Variants in TTC13 observed in about 807,000 individuals in gnomAD.
TTC13 encodes tetratricopeptide repeat protein 13.
A neutral mutation model predicts 120.0 loss-of-function variants in TTC13; 62 were observed. That is an observed-to-expected ratio of 0.52 (90% confidence interval 0.42 to 0.64). The LOEUF (loss-of-function observed/expected upper bound fraction) is 0.64, where lower values mean the gene tolerates loss of function less well. Ranked by LOEUF, TTC13 falls within the 30% of genes least tolerant of loss-of-function variation. The pLI, the probability that TTC13 is intolerant of heterozygous loss-of-function variation, is 0.00. For synonymous variants in TTC13, 384 were observed against 393.5 expected, an observed-to-expected ratio of 0.98 and a Z score of 0.28; for missense variants, 824 against 1,050.2, an observed-to-expected ratio of 0.78 and a Z score of 2.98.
At chr1:230,913,262 G>A (rs1390002022) in intron 18 of TTC13, among the ~76,000 whole-genome samples, 1 of 152,162 alleles carries the variant, frequency 6.6e-6, no homozygotes, top group Non-Finnish European at 1.5e-5. Context: ...GGCATTTTTT[G>A]TATAACGCCA....
In TTC13 at chr1:230,940,366, A is replaced by G. The variant is rs1674428097; in HGVS notation, c.789+74T>C. ...CAGTCAAAGCCCAAATCTATCAAAG[A>G]GTCACTTTCTGAGGTCAAGGGAAAA... On this transcript the variant is annotated intron_variant, in intron 7 of 22. Transcript: ENST00000366661. The surrounding 1 kb of genome is among the most constrained non-coding windows in gnomAD (Gnocchi z 4.1). 1 of 939,806 alleles carries G rather than the reference A, an allele frequency of 1.1e-6. No homozygotes were observed. Among genetic ancestry groups the G allele is most frequent in the Non-Finnish European group, 1.7e-6 (1 of 591,022 alleles). The allele number at this position is 939,806 out of a possible 1,614,324, so 58.2% of individuals were successfully genotyped here. A position where few individuals can be genotyped will look rare whatever the true frequency, so the allele number is the denominator to read the frequency against.
At chr1:230,962,793 A>G (rs1676764779) in intron 1 of TTC13, among the ~76,000 whole-genome samples, 1 of 152,242 alleles carries the variant, frequency 6.6e-6, no homozygotes, top group Non-Finnish European at 1.5e-5. Flanking sequence ...GCAACGTGGA[A>G]GAACTTCCAA....
chr1:230,965,729 T>C (rs1391245002), intron 1 of TTC13, among the ~76,000 whole-genome samples: 1 of 152,232 alleles, frequency 6.6e-6, no homozygotes, highest in Non-Finnish European at 1.5e-5. Context: ...TAGAGTGCAG[T>C]GGCACGATCT....
At chr1:230,974,071 C>CAAA (rs1678022434) in intron 1 of TTC13, among the ~76,000 whole-genome samples, 3 of 140,902 alleles carry the variant, frequency 2.1e-5, no homozygotes, top group South Asian at 4.6e-4. Context: ...GGCGATACTC[C>CAAA]ATCTCAAAAA....
chr1:230,940,320 T>G lies in TTC13; in HGVS notation c.789+120A>C. ...ACAGAAAATGCTTTTATAACTCTTATGACACAGACATATTACTAAACAGTC... is the reference window on the plus strand; with the variant it reads ...ACAGAAAATGCTTTTATAACTCTTAGGACACAGACATATTACTAAACAGTC... On this transcript the variant is annotated intron_variant, in intron 7 of 22. Coordinates refer to ENST00000366661, the MANE Select transcript of TTC13 (RefSeq NM_024525.5). The surrounding 1 kb of genome is among the most constrained non-coding windows in gnomAD (Gnocchi z 4.1). 3.4e-6 allele frequency: 2 copies of G among 585,880 alleles called. No homozygotes were observed. The highest frequency in any genetic ancestry group is 5.9e-6 in the Non-Finnish European group (2 of 336,368). The allele number at this position is 585,880 out of a possible 1,614,324, so 36.3% of individuals were successfully genotyped here.
chr1:230,911,260 G>GT (rs1671471072), intron 20 of TTC13: 2 of 366,992 alleles, frequency 5.4e-6, no homozygotes, highest in Non-Finnish European at 9.8e-6. Context: ...CCTATTAAAC[G>GT]TAAGCACACT....
rs191578228 is a variant in TTC13, at chr1:230,959,305, C to T, written c.367-1006G>A. ...TTTACTAAGCAACCTCAAGAGTACACTGAAGAATATATCTGATTTTAAGTT... is the reference window on the plus strand; with the variant it reads ...TTTACTAAGCAACCTCAAGAGTACATTGAAGAATATATCTGATTTTAAGTT... On this transcript the variant is annotated intron_variant, in intron 2 of 22. Transcript: ENST00000366661. Among the ~76,000 whole-genome samples the T allele has an allele frequency of 1.5e-4, 23 of 151,864 alleles. No homozygotes were observed. In the East Asian group the frequency reaches 2.1e-3, roughly 14 times the overall value.
At chr1:230,968,554 G>A (rs1042695472) in intron 1 of TTC13, among the ~76,000 whole-genome samples, 3 of 152,170 alleles carry the variant, frequency 2.0e-5, no homozygotes, top group Non-Finnish European at 4.4e-5. Flanking sequence ...TCTAAGGAGA[G>A]AAGGGGCAAG....
intron 4 of TTC13, among the ~76,000 whole-genome samples, chr1:230,952,584 C>T (rs534057703): frequency 7.7e-4 from 118 of 152,278 alleles, no homozygotes; most frequent in African/African-American, 2.6e-3. Flanking sequence ...TACGATATCA[C>T]ATTTCAATAC....
At chr1:230,909,364 C>T (rs1671259327) in intron 20 of TTC13, among the ~76,000 whole-genome samples, 1 of 152,158 alleles carries the variant, frequency 6.6e-6, no homozygotes, top group Non-Finnish European at 1.5e-5. Context: ...GGCATGGTGG[C>T]TCACACCTGT....
intron 11 of TTC13, among the ~76,000 whole-genome samples, chr1:230,929,515 C>T (rs930625732): frequency 7.2e-5 from 11 of 152,072 alleles, no homozygotes; most frequent in African/African-American, 1.7e-4. Flanking sequence ...AGGGTTTCAC[C>T]GTGTTAGCCA....
At chr1:230,956,982 T>C (rs1479305775) in intron 3 of TTC13, among the ~76,000 whole-genome samples, 2 of 152,158 alleles carry the variant, frequency 1.3e-5, no homozygotes, top group Non-Finnish European at 2.9e-5. Context: ...GCTCAGGGCC[T>C]ACACTACCCC....
chr1:230,940,963 A>T lies in TTC13; in HGVS notation c.673-407T>A, dbSNP rs565869420. 6.6e-5 allele frequency among the ~76,000 whole-genome samples: 10 copies of T among 152,368 alleles called. No individual in the cohort carries two copies. In the South Asian group the frequency reaches 1.7e-3, roughly 25 times the overall value. ...ATAGACAAATTATCGGACACAGATT[A>T]GAGTCTTCCATGGTCTTTAGCTCTG... On this transcript the variant is annotated intron_variant, in intron 6 of 22. Transcript: ENST00000366661. This position sits in a 1 kb window ranked among gnomAD's most constrained non-coding sequence, Gnocchi z 4.1.
At chr1:230,963,595 AC>A (rs1676845060) in intron 1 of TTC13, among the ~76,000 whole-genome samples, 1 of 151,894 alleles carries the variant, frequency 6.6e-6, no homozygotes, top group Non-Finnish European at 1.5e-5. Context: ...TGATCATACC[AC>A]TGCACTCCAG....
intron 2 of TTC13, among the ~76,000 whole-genome samples, chr1:230,960,419 A>T (rs1454400746): frequency 6.6e-6 from 1 of 152,210 alleles, no homozygotes; most frequent in Non-Finnish European, 1.5e-5. Context: ...TTTACAAGAC[A>T]GCCCCTTCTG....
chr1:230,974,670 T>C (rs946388686), intron 1 of TTC13, among the ~76,000 whole-genome samples: 5 of 152,170 alleles, frequency 3.3e-5, no homozygotes, highest in African/African-American at 1.2e-4. Context: ...TGTTAAATGG[T>C]ATGTAACTGT....
rs2102889457 is a variant in TTC13, at chr1:230,943,795, G to A, written c.672+11C>T. On this transcript the variant is annotated intron_variant, in intron 6 of 22. Coordinates refer to ENST00000366661, the MANE Select transcript of TTC13 (RefSeq NM_024525.5). ...CAATAATGACAGAGGGAAAAAGAAA[G>A]CCACACTCACTTCTGCTCGCTGCTC... 1 of 1,589,060 alleles carries A rather than the reference G, an allele frequency of 6.3e-7. No individual in the cohort carries two copies. The highest frequency in any genetic ancestry group is 1.3e-5 in the African/African-American group (1 of 74,104).
intron 11 of TTC13, 124 bp from the exon 12 acceptor site, chr1:230,929,217 TA>T (rs1673316928): frequency 3.0e-6 from 3 of 1,012,572 alleles, no homozygotes; most frequent in Non-Finnish European, 1.4e-6. Context: ...AAAGAGTTTC[TA>T]AATTTTAGTA....
intron 4 of TTC13, among the ~76,000 whole-genome samples, chr1:230,948,779 C>G (rs1274163424): frequency 1.3e-5 from 2 of 152,138 alleles, no homozygotes; most frequent in Non-Finnish European, 2.9e-5. Context: ...CGTGAGCCAC[C>G]ACACCCAGCT....
Sources: allele counts gnomAD v4.1 joint callset (sites outside exome capture counted in the v4.1 genomes callset), GRCh38; gene constraint gnomAD v4.1.1; non-coding constraint Gnocchi (gnomAD v3.1); transcripts MANE v1.5; gene names NCBI Gene and HGNC (gene_info 2026-07-23, HGNC 2026-07-21).